PRKDC: variants seen among roughly 807,000 people sequenced by gnomAD.
The protein encoded by PRKDC is protein kinase, DNA-activated, catalytic subunit, also known as DNA-dependent protein kinase catalytic subunit.
Under a neutral mutation model 486.9 loss-of-function variants are expected in PRKDC, and 82 were observed. The ratio of observed to expected loss-of-function variants is 0.17; its 90% CI spans 0.14 to 0.20. The LOEUF is 0.20. Ranked by LOEUF, PRKDC falls within the 10% of genes least tolerant of loss-of-function variation. The pLI is 1.00. For synonymous variants in PRKDC, 1,895 were observed against 1,837.0 expected, an observed-to-expected ratio of 1.03 and a Z score of -0.81; for missense variants, 4,504 against 5,038.2, an observed-to-expected ratio of 0.89 and a Z score of 3.21.
At chr8:47,834,093 A>C (rs2087950345) in intron 59 of PRKDC, 103 bp downstream of exon 59, 2 of 1,420,844 alleles carry the variant, frequency 1.4e-6, no homozygotes, top group South Asian at 2.4e-5. Context: ...CTTGATTACG[A>C]ATGAGAAGGA....
rs148018130 is a variant in PRKDC at position 47,785,172 on chromosome 8, C to A, written c.11048G>T (p.Cys3683Phe). 1 of 1,613,822 alleles carries A rather than the reference C, an allele frequency of 6.2e-7. No homozygotes were observed. Among genetic ancestry groups the A allele is most frequent in the Non-Finnish European group, 8.5e-7 (1 of 1,179,888 alleles). The change falls in exon 77 of 86, where the codon TGT (cysteine) becomes TTT (phenylalanine). Residue 3683 changes from cysteine to phenylalanine, a missense_variant. Coordinates refer to ENST00000314191, the MANE Select transcript of PRKDC (RefSeq NM_006904.7). ...TTTGAAGTCGCTCATCCAGGGTGAA[C>A]ATTCTTTCAGATTCCCAGGGGGCTT... ...DSKPPGNLKECSPWMSDFKVE... is the reference protein window; with the variant it reads ...DSKPPGNLKEFSPWMSDFKVE...
At chr8:47,929,771 C>T (rs1242866899) in intron 18 of PRKDC, 82 bp downstream of exon 18, 1 of 1,369,594 alleles carries the variant, frequency 7.3e-7, no homozygotes, top group East Asian at 2.7e-5. Flanking sequence ...GCATAGGCCA[C>T]AATCACATAT....
chr8:47,812,922 A>G (rs1447428959), intron 68 of PRKDC, among the ~76,000 whole-genome samples: 1 of 152,012 alleles, frequency 6.6e-6, no homozygotes. Flanking sequence ...GACACTACAA[A>G]TAATAAAAAG....
chr8:47,902,857 C>A, intron 26 of PRKDC, 62 bp from the exon 27 acceptor site: 1 of 1,308,850 alleles, frequency 7.6e-7, no homozygotes. Flanking sequence ...AACTGAATAC[C>A]CTTGGTCTAT....
chr8:47,912,420 T>A lies in PRKDC; in HGVS notation c.2924A>T (p.Asp975Val), dbSNP rs1351308193. 1 of 1,589,228 alleles carries A rather than the reference T, an allele frequency of 6.3e-7. No individual in the cohort carries two copies. Among genetic ancestry groups the A allele is most frequent in the Non-Finnish European group, 8.6e-7 (1 of 1,167,526 alleles). The change falls in exon 25 of 86, where the codon GAT becomes GTT. Residue 975 changes from aspartate to valine, a missense_variant. This residue lies in a region of PRKDC where 1,969 missense variants were observed against 2,068.9 expected (regional missense o/e 0.95). Transcript: ENST00000314191. ...TFPVLLRLACDVDQVTRQLYE... is the reference protein window; with the variant it reads ...TFPVLLRLACVVDQVTRQLYE... ...ATTCAAAGCCCTTACCTGATCAACA[T>A]CACACGCAAGTCGAAGCAGCACAGG...
chr8:47,870,882 T>C (rs1207325979), intron 40 of PRKDC, among the ~76,000 whole-genome samples: 1 of 151,734 alleles, frequency 6.6e-6, no homozygotes, highest in Non-Finnish European at 1.5e-5. Flanking sequence ...AACAAAGAGA[T>C]TGAAAAAATT....
chr8:47,801,723 T>A (rs997196289), intron 70 of PRKDC, among the ~76,000 whole-genome samples: 1 of 152,368 alleles, frequency 6.6e-6, no homozygotes, highest in Middle Eastern at 3.4e-3. Context: ...TTTAAAGTTC[T>A]AGTTCTGCTT....
In PRKDC at chr8:47,803,368, C is replaced by T. The variant is rs765440019; in HGVS notation, c.9860G>A (p.Arg3287Gln). The T allele has an allele frequency of 7.4e-6, 12 of 1,613,876 alleles. No individual in the cohort carries two copies. Among genetic ancestry groups the T allele is most frequent in the South Asian group, 4.4e-5 (4 of 91,086 alleles). Residue 3287 changes from arginine (R) to glutamine (Q), a missense_variant, in exon 70 of 86, where the codon CGG becomes CAG. Arg to Gln is a conservative substitution (Grantham distance 43). Around this residue, in one of 6 missense-constraint regions of PRKDC, gnomAD observed 1,592 missense variants for 1,724.6 expected, o/e 0.92. Transcript: ENST00000314191. ...CTCAGAGCAGCCCTGGGACCGGCTC[C>T]GGCAGTGGCTCAGGCGGCAGTAGCT... is the stretch of plus-strand genomic sequence containing the variant. ...VQSYCRLSHC[R>Q]SRSQGCSEQV...
In PRKDC at chr8:47,817,434, A is replaced by AGGG. The variant is rs1266257356; in HGVS notation, c.9557+13_9557+15dup. 4 of 1,507,538 alleles carry AGGG rather than the reference A, an allele frequency of 2.7e-6. No individual in the cohort carries two copies. In the African/African-American group the frequency reaches 5.5e-5, roughly 21 times the overall value. The allele number at this position is 1,507,538 out of a possible 1,614,324, so 93.4% of individuals were successfully genotyped here. A position where few individuals can be genotyped will look rare whatever the true frequency, so the allele number is the denominator to read the frequency against. On this transcript the variant is annotated intron_variant, in intron 68 of 85. Transcript: ENST00000314191. The stretch of plus-strand genomic sequence containing the variant: ...AAAAAACAATCCACATTTGACTGAA[A>AGGG]GGGACCACGTCTTACCGATTTGTGA...
chr8:47,881,789 G>A, intron 37 of PRKDC, 123 bp downstream of exon 37: 3 of 879,244 alleles, frequency 3.4e-6, no homozygotes, highest in Middle Eastern at 2.8e-4. Context: ...CAACCATCCT[G>A]TCAAAATATT....
At chr8:47,930,554 G>C (rs937745881) in intron 17 of PRKDC, 118 bp downstream of exon 17, 8 of 1,031,032 alleles carry the variant, frequency 7.8e-6, no homozygotes, top group Non-Finnish European at 1.1e-5. Flanking sequence ...TTACAGGCGT[G>C]AGCCACCGAA....
At chr8:47,941,953 A>G (rs1020794967) in intron 10 of PRKDC, among the ~76,000 whole-genome samples, 2 of 152,230 alleles carry the variant, frequency 1.3e-5, no homozygotes, top group Non-Finnish European at 2.9e-5. Flanking sequence ...TGGCTCATTA[A>G]AGACAACCAG....
intron 69 of PRKDC, among the ~76,000 whole-genome samples, chr8:47,804,897 G>C (rs1365894577): frequency 6.6e-6 from 1 of 152,070 alleles, no homozygotes; most frequent in Admixed American, 6.6e-5. Context: ...GAGTAGCTGG[G>C]ATTACAGGCA....
In PRKDC at chr8:47,830,390, TCA is replaced by T. The variant is rs1491292202; in HGVS notation, c.8397+213_8397+214del. ...AATAACGTCTTCAGCACTGATGATCTCAGAGTCTCCGCATGTGTAAAGAAGTC... is the reference window on the plus strand; with the variant it reads ...AATAACGTCTTCAGCACTGATGATCTGAGTCTCCGCATGTGTAAAGAAGTC... On this transcript the variant is annotated intron_variant, in intron 61 of 85. Coordinates refer to ENST00000314191, the MANE Select transcript of PRKDC (RefSeq NM_006904.7). 4.6e-5 allele frequency among the ~76,000 whole-genome samples: 7 copies of T among 152,312 alleles called. No individual in the cohort carries two copies. In the South Asian group the frequency reaches 1.2e-3, roughly 27 times the overall value.
At chr8:47,811,031 T>TA (rs1404654404) in intron 68 of PRKDC, among the ~76,000 whole-genome samples, 1 of 152,110 alleles carries the variant, frequency 6.6e-6, no homozygotes, top group African/African-American at 2.4e-5. Flanking sequence ...ACACAATGAC[T>TA]GAAAACTCCC....
At chr8:47,922,229 C>T (rs2090083752) in intron 21 of PRKDC, among the ~76,000 whole-genome samples, 1 of 151,970 alleles carries the variant, frequency 6.6e-6, no homozygotes, top group African/African-American at 2.4e-5. Flanking sequence ...ACCTCCCAGG[C>T]TTGAGCAATC....
chr8:47,916,578 G>A (rs1326945267), intron 22 of PRKDC, among the ~76,000 whole-genome samples: 1 of 152,092 alleles, frequency 6.6e-6, no homozygotes, highest in Non-Finnish European at 1.5e-5. Context: ...AAAGTGGCAG[G>A]CTCGGTTCAT....
chr8:47,870,072 A>T (rs751975363), intron 40 of PRKDC, among the ~76,000 whole-genome samples: 4 of 152,212 alleles, frequency 2.6e-5, no homozygotes, highest in Non-Finnish European at 5.9e-5. Flanking sequence ...TGGCTCATAG[A>T]TGGCATCTCT....
intron 66 of PRKDC, 46 bp downstream of exon 66, chr8:47,820,673 A>AGTG: frequency 1.0e-6 from 1 of 964,754 alleles, no homozygotes; most frequent in Non-Finnish European, 1.4e-6. Flanking sequence ...TAATATATAT[A>AGTG]TACACTATAT....
Sources: gnomAD v4.1 joint callset for allele counts (sites outside exome capture counted in the v4.1 genomes callset) on GRCh38, gnomAD v4.1.1 for gene constraint, gnomAD v4.1.1 regional missense constraint, MANE v1.5 for transcripts, NCBI Gene and HGNC (gene_info 2026-07-23, HGNC 2026-07-21) for gene names.